CNOT6: variants seen among roughly 807,000 people sequenced by gnomAD.
The protein encoded by CNOT6 is carbon catabolite repression 4 protein.
In CNOT6, 12 loss-of-function variants were observed where a neutral mutation model predicts 61.2. The ratio of observed to expected loss-of-function variants is 0.20; its 90% CI spans 0.13 to 0.32. CNOT6 has a LOEUF of 0.32. CNOT6 is among the 10% of genes least tolerant of loss of function. CNOT6 has a pLI of 1.00. For missense variants in CNOT6, 405 were observed against 663.9 expected (o/e 0.61, Z 4.28); for synonymous variants, 225 against 240.6 (o/e 0.94, Z 0.60).
chr5:180,564,460 C>T, intron 4 of CNOT6, 29 bp from the exon 5 acceptor site: 4 of 1,462,518 alleles, frequency 2.7e-6, no homozygotes, highest in Non-Finnish European at 3.8e-6. Flanking sequence ...TACTTAGTTT[C>T]ATTTTACTTA....
chr5:180,567,297 G>A (rs1760513627), intron 8 of CNOT6, 55 bp downstream of exon 8: 5 of 1,502,296 alleles, frequency 3.3e-6, no homozygotes, highest in Middle Eastern at 1.8e-4. Context: ...CAGGGTGGGG[G>A]CCAAGGGTGT....
chr5:180,538,690 A>ATATATGTATATATATGTATATATATG (rs112317507), intron 2 of CNOT6, among the ~76,000 whole-genome samples: 1 of 59,906 alleles, frequency 1.7e-5, no homozygotes, highest in Non-Finnish European at 3.8e-5. Context: ...AAAAAGGTAT[A>ATATATGTATATATATGTATATATATG]TATATATATA....
chr5:180,541,903 G>T (rs1403833989), intron 2 of CNOT6, among the ~76,000 whole-genome samples: 1 of 151,866 alleles, frequency 6.6e-6, no homozygotes, highest in East Asian at 1.9e-4. Flanking sequence ...GTGCCCCCTG[G>T]CTGTTTACAG....
chr5:180,575,722 ATTC>A lies in CNOT6; in HGVS notation c.*1527_*1529del, dbSNP rs1414772823. On this transcript the variant is annotated 3_prime_UTR_variant, in exon 12 of 12. Coordinates refer to ENST00000261951, the MANE Select transcript of CNOT6 (RefSeq NM_001370472.1). ...GTACATGGTCTGCTCTCATTTATTC[ATTC>A]TTCTCTCAAAAGTCAAATGAATGCA... 1 of 152,534 alleles carries A rather than the reference ATTC, an allele frequency of 6.6e-6. No individual in the cohort carries two copies. Among genetic ancestry groups the A allele is most frequent in the African/African-American group, 2.4e-5 (1 of 41,414 alleles). 9.4% of individuals were successfully genotyped at this position (152,534 alleles called of 1,614,324 possible).
chr5:180,556,630 G>A (rs963738128), intron 4 of CNOT6, among the ~76,000 whole-genome samples: 4 of 152,134 alleles, frequency 2.6e-5, no homozygotes, highest in African/African-American at 9.7e-5. Context: ...TCCTGCCCCA[G>A]CTCACTGCTT....
At chr5:180,554,694 C>G (rs1406661930) in intron 4 of CNOT6, among the ~76,000 whole-genome samples, 1 of 152,002 alleles carries the variant, frequency 6.6e-6, no homozygotes. Flanking sequence ...GTTATATTTC[C>G]CAGTCTAGCT....
intron 1 of CNOT6, among the ~76,000 whole-genome samples, chr5:180,510,506 G>A (rs1227567910): frequency 4.6e-5 from 7 of 152,128 alleles, no homozygotes. Context: ...AGAGGCACAG[G>A]CACATATTTT....
intron 1 of CNOT6, among the ~76,000 whole-genome samples, chr5:180,521,540 A>C (rs935993732): frequency 2.0e-5 from 3 of 152,174 alleles, no homozygotes; most frequent in Non-Finnish European, 4.4e-5. Context: ...TGACTTACAG[A>C]CTGAGTAATT....
chr5:180,495,172 G>T (rs1756547663), intron 1 of CNOT6, among the ~76,000 whole-genome samples: 1 of 152,218 alleles, frequency 6.6e-6, no homozygotes, highest in African/African-American at 2.4e-5. Flanking sequence ...GTGGAGCTTC[G>T]CGCTCCGTGG....
intron 2 of CNOT6, among the ~76,000 whole-genome samples, chr5:180,542,544 C>T (rs1333230906): frequency 1.3e-5 from 2 of 152,326 alleles, no homozygotes; most frequent in South Asian, 2.1e-4. Context: ...GGATTACAGG[C>T]GTGAGCCACT....
At chr5:180,558,756 G>A (rs530793548) in intron 4 of CNOT6, among the ~76,000 whole-genome samples, 2 of 152,112 alleles carry the variant, frequency 1.3e-5, no homozygotes, top group South Asian at 2.1e-4. Flanking sequence ...GCTATGTCCA[G>A]CAACAAATTT....
In CNOT6 at chr5:180,576,058, C is replaced by T. The variant is rs139245842; in HGVS notation, c.*1858C>T. On this transcript the variant is annotated 3_prime_UTR_variant, in exon 12 of 12. Coordinates refer to ENST00000261951, the MANE Select transcript of CNOT6 (RefSeq NM_001370472.1). Reference sequence around the variant, plus strand: ...GCTTTTTGTTTAAGTTGTGCTGACACCAAACACATCCAGTTTATAATCAGT... The same window carrying T: ...GCTTTTTGTTTAAGTTGTGCTGACATCAAACACATCCAGTTTATAATCAGT... 3.3e-5 allele frequency: 5 copies of T among 152,514 alleles called. No individual in the cohort carries two copies. Among genetic ancestry groups the T allele is most frequent in the African/African-American group, 1.2e-4 (5 of 41,502 alleles). 9.4% of individuals were successfully genotyped at this position (152,514 alleles called of 1,614,324 possible). A position where few individuals can be genotyped will look rare whatever the true frequency, so the allele number is the denominator to read the frequency against.
intron 1 of CNOT6, among the ~76,000 whole-genome samples, chr5:180,526,073 A>G (rs1758089686): frequency 6.6e-6 from 1 of 152,206 alleles, no homozygotes. Context: ...CGTTGGGGTT[A>G]TAGGCGTGAG....
At chr5:180,497,440 A>G (rs143856088) in intron 1 of CNOT6, among the ~76,000 whole-genome samples, 113 of 152,276 alleles carry the variant, frequency 7.4e-4, no homozygotes, top group African/African-American at 2.6e-3. Context: ...ACAGAAAAGG[A>G]TAATATATGT....
At chr5:180,521,173 T>G (rs528412829) in intron 1 of CNOT6, among the ~76,000 whole-genome samples, 59 of 152,188 alleles carry the variant, frequency 3.9e-4, no homozygotes, top group Middle Eastern at 3.4e-3. Context: ...AGTCATGAAG[T>G]TTTTGTGTGA....
intron 1 of CNOT6, among the ~76,000 whole-genome samples, chr5:180,497,940 G>T (rs1217050125): frequency 1.3e-5 from 2 of 151,802 alleles, no homozygotes; most frequent in Non-Finnish European, 2.9e-5. Context: ...CTACTCGGGA[G>T]ACTGAGGCAG....
Position 180,550,235 on chromosome 5 carries a change from A to G in CNOT6, c.299+118A>G, listed in dbSNP as rs1048153932. 21 of 691,038 alleles carry G rather than the reference A, an allele frequency of 3.0e-5. No homozygotes were observed. The South Asian group carries it at 3.7e-4, about 12-fold the overall frequency. The allele number at this position is 691,038 out of a possible 1,614,324, so 42.8% of individuals were successfully genotyped here. ...TTTGGGAGGCTGCGAGAGGATCATG[A>G]GGTCAGGAGATCGAGACCATTCTGG... On this transcript the variant is annotated intron_variant, in intron 3 of 11. Transcript: ENST00000261951.
intron 4 of CNOT6, among the ~76,000 whole-genome samples, chr5:180,561,942 T>C (rs1261582145): frequency 1.3e-5 from 2 of 152,244 alleles, no homozygotes; most frequent in Non-Finnish European, 2.9e-5. Context: ...CATGCTGGCA[T>C]GGGTAGAGAT....
chr5:180,508,367 A>G (rs933772779), intron 1 of CNOT6, among the ~76,000 whole-genome samples: 4 of 152,236 alleles, frequency 2.6e-5, no homozygotes, highest in Non-Finnish European at 5.9e-5. Flanking sequence ...GCTGGAGTGC[A>G]GTGACGCAAT....
Sources: gnomAD v4.1 joint callset for allele counts (sites outside exome capture counted in the v4.1 genomes callset) on GRCh38, gnomAD v4.1.1 for gene constraint, MANE v1.5 for transcripts, NCBI Gene and HGNC (gene_info 2026-07-23, HGNC 2026-07-21) for gene names.